The following CHCHD3 variants were observed in gnomAD, a reference collection of about 807,000 sequenced individuals.
CHCHD3 encodes MICOS complex subunit MIC19.
CHCHD3 carries 20 observed loss-of-function variants against 38.2 expected under a neutral mutation model. The observed-to-expected ratio is 0.52, with a 90% CI of 0.37 to 0.76. The LOEUF (loss-of-function observed/expected upper bound fraction) is 0.76, where lower values mean the gene tolerates loss of function less well. Among genes scored for constraint, CHCHD3 ranks in the 30% least tolerant of loss-of-function variants. CHCHD3 has a pLI of 0.00. For synonymous variants in CHCHD3, 82 were observed against 100.0 expected (o/e 0.82, Z 1.07); for missense variants, 245 against 279.2 (o/e 0.88, Z 0.87).
At chr7:133,081,625 T>C (rs1030586913) in intron 1 of CHCHD3, among the ~76,000 whole-genome samples, 1 of 152,112 alleles carries the variant, frequency 6.6e-6, no homozygotes, top group African/African-American at 2.4e-5. Context: ...TAATTCAACC[T>C]GGCATTCCCC....
intron 4 of CHCHD3, among the ~76,000 whole-genome samples, chr7:132,966,679 G>C (rs1240835106): frequency 6.6e-6 from 1 of 152,214 alleles, no homozygotes; most frequent in Admixed American, 6.5e-5. Context: ...AGAACTGACA[G>C]TTGTGTGACT....
intron 4 of CHCHD3, among the ~76,000 whole-genome samples, chr7:132,971,950 C>T (rs904253311): frequency 8.7e-5 from 13 of 149,302 alleles, no homozygotes; most frequent in African/African-American, 3.1e-4. Flanking sequence ...CCCACCTCTC[C>T]AGCTGGGGAT....
Position 132,854,588 on chromosome 7 carries a change from G to A in CHCHD3, c.454-16119C>T, listed in dbSNP as rs143767436. The stretch of plus-strand genomic sequence containing the variant: ...GAGTGGGGATTAATTTTCAAAAGGG[G>A]GTTGGGGGACAAACCAATTTTAAAT... On this transcript the variant is annotated intron_variant, in intron 5 of 7. Coordinates refer to ENST00000262570, the MANE Select transcript of CHCHD3 (RefSeq NM_017812.4). Among the ~76,000 whole-genome samples the A allele has an allele frequency of 3.0e-3, 456 of 152,182 alleles. 1 individual carries two copies. The highest frequency in any genetic ancestry group is 0.011 in the African/African-American group (437 of 41,518).
Position 132,788,046 on chromosome 7 carries a change from C to G in CHCHD3, c.661-2386G>C, listed in dbSNP as rs1175531171. ...TGAGCACCCACCATGTAAGAGACAC[C>G]ACCTGGCAGTGTCACAGCGTCACAG... On this transcript the variant is annotated intron_variant, in intron 7 of 7. Coordinates refer to ENST00000262570, the MANE Select transcript of CHCHD3 (RefSeq NM_017812.4). This position sits in a 1 kb window ranked among gnomAD's most constrained non-coding sequence, Gnocchi z 4.0. Among the ~76,000 whole-genome samples, 2 of 152,162 alleles carry G rather than the reference C, an allele frequency of 1.3e-5. No individual in the cohort carries two copies. The highest frequency in any genetic ancestry group is 4.8e-5 in the African/African-American group (2 of 41,436).
At chr7:132,962,107 G>A (rs1257790964) in intron 4 of CHCHD3, among the ~76,000 whole-genome samples, 1 of 152,122 alleles carries the variant, frequency 6.6e-6, no homozygotes, top group Non-Finnish European at 1.5e-5. Flanking sequence ...TTTATGCCCG[G>A]CCTGTGACTA....
chr7:132,964,398 T>C (rs1378365410), intron 4 of CHCHD3, among the ~76,000 whole-genome samples: 2 of 152,082 alleles, frequency 1.3e-5, no homozygotes, highest in Non-Finnish European at 1.5e-5. Context: ...CTGACCAACA[T>C]GGTGAAACCC....
chr7:132,866,185 A>G (rs896156504), intron 5 of CHCHD3, among the ~76,000 whole-genome samples: 6 of 152,140 alleles, frequency 3.9e-5, no homozygotes, highest in African/African-American at 1.4e-4. Context: ...CAGAGGGCCC[A>G]CTCAGCCCCT....
chr7:133,067,500 G>A (rs935320261), intron 2 of CHCHD3, among the ~76,000 whole-genome samples: 1 of 152,202 alleles, frequency 6.6e-6, no homozygotes, highest in African/African-American at 2.4e-5. Flanking sequence ...GTTCATACAT[G>A]TAGATAAGAA....
chr7:132,936,305 A>G (rs1168157894), intron 4 of CHCHD3, among the ~76,000 whole-genome samples: 2 of 152,200 alleles, frequency 1.3e-5, no homozygotes, highest in Admixed American at 6.5e-5. Flanking sequence ...TTTTCAAGTG[A>G]GCAAAAGACT....
intron 4 of CHCHD3, among the ~76,000 whole-genome samples, chr7:132,887,335 A>G (rs1809242717): frequency 6.6e-6 from 1 of 151,890 alleles, no homozygotes; most frequent in South Asian, 2.1e-4. Context: ...GACTGTTAAG[A>G]ATATGAAACA....
In CHCHD3 at chr7:132,788,755, C is replaced by G. The variant is rs1194884194; in HGVS notation, c.661-3095G>C. On this transcript the variant is annotated intron_variant, in intron 7 of 7. Coordinates refer to ENST00000262570, the MANE Select transcript of CHCHD3 (RefSeq NM_017812.4). This position sits in a 1 kb window ranked among gnomAD's most constrained non-coding sequence, Gnocchi z 4.0. ...AAATACCGTTACATGTATTAAAATTCTAATCCTCCAAGATAGCACAGTGGT... is the reference window on the plus strand; with the variant it reads ...AAATACCGTTACATGTATTAAAATTGTAATCCTCCAAGATAGCACAGTGGT... Among the ~76,000 whole-genome samples, 23 of 152,160 alleles carry G rather than the reference C, an allele frequency of 1.5e-4. No homozygotes were observed. The highest frequency in any genetic ancestry group is 1.5e-3 in the Admixed American group (23 of 15,270).
intron 4 of CHCHD3, among the ~76,000 whole-genome samples, chr7:132,922,366 C>G (rs568857801): frequency 1.1e-4 from 17 of 152,194 alleles, no homozygotes; most frequent in African/African-American, 3.6e-4. Context: ...ACCACTAATC[C>G]CTGTGCTCAT....
chr7:132,836,659 G>A (rs1278181994), intron 6 of CHCHD3, among the ~76,000 whole-genome samples: 2 of 151,734 alleles, frequency 1.3e-5, no homozygotes, highest in Non-Finnish European at 2.9e-5. Context: ...TTCTTTTGTA[G>A]ATACAGGGTC....
At chr7:132,985,192 AG>A (rs1812066683) in intron 3 of CHCHD3, among the ~76,000 whole-genome samples, 1 of 69,276 alleles carries the variant, frequency 1.4e-5, no homozygotes, top group Non-Finnish European at 2.8e-5. Context: ...CCCGTCCGGA[AG>A]GGAGGTGGGG....
chr7:133,005,743 GTTTTAC>G (rs1812682904), intron 3 of CHCHD3, among the ~76,000 whole-genome samples: 1 of 152,122 alleles, frequency 6.6e-6, no homozygotes, highest in African/African-American at 2.4e-5. Flanking sequence ...AGAGGGTATT[GTTTTAC>G]TTATAAAGCT....
intron 7 of CHCHD3, 37 bp from the exon 8 acceptor site, chr7:132,785,697 G>A: frequency 6.2e-7 from 1 of 1,607,284 alleles, no homozygotes; most frequent in Non-Finnish European, 8.5e-7. Flanking sequence ...TTTACCACCG[G>A]GAGAGGACAA....
At chr7:132,786,365 G>A (rs2117014064) in intron 7 of CHCHD3, among the ~76,000 whole-genome samples, 1 of 152,288 alleles carries the variant, frequency 6.6e-6, no homozygotes, top group South Asian at 2.1e-4. Flanking sequence ...GAACGCAGAT[G>A]TTCATGTGCT....
At chr7:132,845,627 T>C (rs1161871577) in intron 5 of CHCHD3, among the ~76,000 whole-genome samples, 1 of 152,222 alleles carries the variant, frequency 6.6e-6, no homozygotes, top group Non-Finnish European at 1.5e-5. Flanking sequence ...AGTACTTTAA[T>C]GCCAAGACTT....
At chr7:132,974,990 T>C (rs1482260485) in intron 4 of CHCHD3, among the ~76,000 whole-genome samples, 179 bp downstream of exon 4, 1 of 152,182 alleles carries the variant, frequency 6.6e-6, no homozygotes, top group Non-Finnish European at 1.5e-5. Flanking sequence ...GCCTTTAAAG[T>C]CCTTGATGGT....
Sources: gnomAD v4.1 joint callset for allele counts (sites outside exome capture counted in the v4.1 genomes callset) on GRCh38, gnomAD v4.1.1 for gene constraint, Gnocchi (gnomAD v3.1) non-coding constraint, MANE v1.5 for transcripts, NCBI Gene and HGNC (gene_info 2026-07-23, HGNC 2026-07-21) for gene names.